Variants in SETD2 observed in about 807,000 individuals in gnomAD.
SETD2 encodes the protein SET domain containing 2, histone lysine methyltransferase.
A neutral mutation model predicts 242.1 loss-of-function variants in SETD2; 31 were observed. The observed-to-expected ratio is 0.13, with a 90% confidence interval of 0.10 to 0.17. The LOEUF (loss-of-function observed/expected upper bound fraction) is 0.17. Ranked by LOEUF, SETD2 falls within the 10% of genes least tolerant of loss-of-function variation. The pLI is 1.00. For synonymous variants in SETD2, 1,006 were observed against 1,066.5 expected (o/e 0.94, Z 1.11); for missense variants, 2,481 against 3,046.3 (o/e 0.81, Z 4.37).
At chr3:47,031,280 G>C (rs544006283) in intron 18 of SETD2, among the ~76,000 whole-genome samples, 4 of 152,294 alleles carry the variant, frequency 2.6e-5, no homozygotes, top group African/African-American at 7.2e-5. Context: ...TGTCATAGTA[G>C]ATTCATCAAT....
chr3:47,049,435 C>T (rs1171936170), intron 15 of SETD2, among the ~76,000 whole-genome samples: 1 of 137,118 alleles, frequency 7.3e-6, no homozygotes, highest in East Asian at 2.1e-4. Context: ...TGCAGTGGCA[C>T]GACCTCGGCT....
chr3:47,147,697 G>A (rs1205099952), intron 1 of SETD2, among the ~76,000 whole-genome samples: 1 of 151,580 alleles, frequency 6.6e-6, no homozygotes, highest in African/African-American at 2.4e-5. Context: ...GCCAAGGCGG[G>A]CAGATTACGG....
At chr3:47,064,975 G>A (rs1054410525) in intron 13 of SETD2, among the ~76,000 whole-genome samples, 2 of 151,976 alleles carry the variant, frequency 1.3e-5, no homozygotes, top group Non-Finnish European at 2.9e-5. Context: ...TGCATCTCAT[G>A]GATGCAAAAT....
rs374950143 is a variant in SETD2 at position 47,124,046 on chromosome 3, G to A, written c.590C>T (p.Ala197Val). Residue 197 changes from alanine (A) to valine (V), a missense_variant, in exon 3 of 21, where the codon GCC becomes GTC. Coordinates refer to ENST00000409792, the MANE Select transcript of SETD2 (RefSeq NM_014159.7). ...TGGTGATGAGAGTGTTGTGGCTTGG[G>A]CAGGTGGAGGCGGTGGAGGCGGAGA... Reference protein sequence around the residue: ...PSSPPPPPPPAQATTLSSPAP... With the variant: ...PSSPPPPPPPVQATTLSSPAP... The A allele has an allele frequency of 1.1e-4, 168 of 1,552,064 alleles. 1 individual carries two copies. The highest frequency in any genetic ancestry group is 8.6e-4 in the East Asian group (35 of 40,920).
chr3:47,141,334 T>G (rs1179378623), intron 1 of SETD2, among the ~76,000 whole-genome samples: 1 of 152,156 alleles, frequency 6.6e-6, no homozygotes, highest in Non-Finnish European at 1.5e-5. Context: ...GTACCTATCT[T>G]GTATTGTACC....
rs368670205 is a variant in SETD2, at chr3:47,124,002, C to T, written c.634G>A (p.Val212Met). ...LSSPAPVTEP[V>M]ALPHTPITVL... ...GTTATTGGTGTATGTGGCAAGGCCA[C>T]TGGCTCTGTTACTGGTGCTGGTGAT... Residue 212 changes from valine to methionine, a missense_variant, in exon 3 of 21, where the codon GTG (valine) becomes ATG (methionine). Val to Met is a conservative substitution (Grantham distance 21, BLOSUM62 1). This residue lies in a region of SETD2 where 334 missense variants were observed against 374.5 expected (regional missense o/e 0.89). Transcript: ENST00000409792. The T allele has an allele frequency of 7.1e-6, 11 of 1,552,194 alleles. No homozygotes were observed. Among genetic ancestry groups the T allele is most frequent in the African/African-American group, 1.4e-5 (1 of 73,062 alleles).
chr3:47,116,183 T>C (rs2042846236), intron 4 of SETD2, among the ~76,000 whole-genome samples: 1 of 151,146 alleles, frequency 6.6e-6, no homozygotes, highest in African/African-American at 2.4e-5. Flanking sequence ...CTACCTATGC[T>C]AGCATAGGCA....
At chr3:47,126,720 T>TAA in intron 1 of SETD2, 57 bp from the exon 2 acceptor site, 1 of 995,150 alleles carries the variant, frequency 1.0e-6, no homozygotes, top group Non-Finnish European at 1.5e-6. Flanking sequence ...CATAAATACT[T>TAA]AAAAACGATT....
intron 4 of SETD2, among the ~76,000 whole-genome samples, 155 bp from the exon 5 acceptor site, chr3:47,114,159 C>CCAT (rs2042764077): frequency 6.6e-6 from 1 of 152,208 alleles, no homozygotes; most frequent in African/African-American, 2.4e-5. Flanking sequence ...TCCTTTCCTT[C>CCAT]CATCACAAAG....
chr3:47,121,680 C>T lies in SETD2; in HGVS notation c.2956G>A (p.Glu986Lys), dbSNP rs1559744630. The part of the protein sequence containing the change: ...RPEISLDERG[E>K]GGHVHTSDDS... ...TCAGAAGTATGCACATGTCCTCCTT[C>T]TCCTCTTTCATCTAAAGAGATTTCT... Residue 986 changes from glutamate to lysine, a missense_variant, in exon 3 of 21, where the codon GAA (glutamate) becomes AAA (lysine). By Grantham distance (56) the Glu-to-Lys change is moderately conservative. Transcript: ENST00000409792. 1.2e-6 allele frequency: 2 copies of T among 1,614,016 alleles called. No individual in the cohort carries two copies. Among genetic ancestry groups the T allele is most frequent in the Admixed American group, 3.3e-5 (2 of 60,024 alleles).
chr3:47,150,607 G>A (rs144691455), intron 1 of SETD2, among the ~76,000 whole-genome samples: 11 of 152,158 alleles, frequency 7.2e-5, no homozygotes, highest in African/African-American at 2.4e-4. Flanking sequence ...AAAGTGCTAT[G>A]AGCACCAAGT....
chr3:47,017,059 C>T lies in SETD2; in HGVS notation c.*34G>A, dbSNP rs1167155955. On this transcript the variant is annotated 3_prime_UTR_variant, in exon 21 of 21. Transcript: ENST00000409792. The surrounding 1 kb of genome is among the most constrained non-coding windows in gnomAD (Gnocchi z 4.8). ...TTTCCTCTCCCTAGAGTCTGTCTTA[C>T]CTGACCACCCATCCTCCCACCCTGG... 2 of 1,609,282 alleles carry T rather than the reference C, an allele frequency of 1.2e-6. No individual in the cohort carries two copies. Among genetic ancestry groups the T allele is most frequent in the South Asian group, 1.1e-5 (1 of 90,428 alleles).
chr3:47,040,337 T>G (rs2039222158), intron 17 of SETD2, among the ~76,000 whole-genome samples: 1 of 152,044 alleles, frequency 6.6e-6, no homozygotes, highest in African/African-American at 2.4e-5. Flanking sequence ...GGAAAATATA[T>G]GAAAATTTTA....
rs755498169 is a variant in SETD2, at chr3:47,121,014, C to G, written c.3622G>C (p.Asp1208His). 3 of 1,614,178 alleles carry G rather than the reference C, an allele frequency of 1.9e-6. No individual in the cohort carries two copies. The highest frequency in any genetic ancestry group is 2.5e-6 in the Non-Finnish European group (3 of 1,180,020). The change falls in exon 3 of 21, where the codon GAT becomes CAT. Residue 1208 changes from aspartate to histidine, a missense_variant. Transcript: ENST00000409792. Reference sequence around the variant, plus strand: ...GACTTATTTGGGACATCTTCAAAATCAGAAGAATAAATTGGCAGCTCTTCT... The same window carrying G: ...GACTTATTTGGGACATCTTCAAAATGAGAAGAATAAATTGGCAGCTCTTCT... ...QQEELPIYSS[D>H]FEDVPNKSWQ...
rs374918549 is a variant in SETD2 at position 47,123,434 on chromosome 3, C to T, written c.1202G>A (p.Arg401Gln). 3.5e-5 allele frequency: 55 copies of T among 1,551,566 alleles called. No homozygotes were observed. The highest frequency in any genetic ancestry group is 4.8e-5 in the South Asian group (4 of 84,048). ...AGACCTAGAGTGAGATCTGCTCCGC[C>T]GTCGCTCTCTTTCTGATCTACATCG... ...SSRCRSERER[R>Q]RSRSHSRSER... The change falls in exon 3 of 21, where the codon CGG (arginine) becomes CAG (glutamine). Residue 401 changes from arginine to glutamine, a missense_variant. Physicochemically the swap from Arg to Gln is conservative, Grantham distance 43. Coordinates refer to ENST00000409792, the MANE Select transcript of SETD2 (RefSeq NM_014159.7).
intron 18 of SETD2, among the ~76,000 whole-genome samples, chr3:47,020,047 TTCTTA>T (rs2038150468): frequency 6.6e-6 from 1 of 152,168 alleles, no homozygotes; most frequent in South Asian, 2.1e-4. Flanking sequence ...TTGGCTCTCC[TTCTTA>T]TAAGTTAAGT....
chr3:47,040,621 C>A (rs888585256), intron 17 of SETD2, among the ~76,000 whole-genome samples: 1 of 142,442 alleles, frequency 7.0e-6, no homozygotes, highest in African/African-American at 2.7e-5. Context: ...GTCACCCAGG[C>A]CGGAATGCAG....
chr3:47,062,699 G>A (rs111349038), intron 13 of SETD2, among the ~76,000 whole-genome samples: 157 of 152,278 alleles, frequency 1.0e-3, no homozygotes, highest in African/African-American at 3.4e-3. Flanking sequence ...AAATGTAAAA[G>A]CCTTCAACTA....
chr3:47,133,970 T>C (rs1283936837), intron 1 of SETD2, among the ~76,000 whole-genome samples: 1 of 152,166 alleles, frequency 6.6e-6, no homozygotes, highest in Non-Finnish European at 1.5e-5. Context: ...TATTTCATAA[T>C]ATTGCTTTTA....
Sources: gnomAD v4.1 joint callset for allele counts (sites outside exome capture counted in the v4.1 genomes callset) on GRCh38, gnomAD v4.1.1 for gene constraint, gnomAD v4.1.1 regional missense constraint, Gnocchi (gnomAD v3.1) non-coding constraint, MANE v1.5 for transcripts, NCBI Gene and HGNC (gene_info 2026-07-23, HGNC 2026-07-21) for gene names.